AUTS2: variants seen among roughly 807,000 people sequenced by gnomAD.
The protein encoded by AUTS2 is activator of transcription and developmental regulator AUTS2, also known as autism susceptibility gene 2 protein.
Under a neutral mutation model 112.4 loss-of-function variants are expected in AUTS2, and 17 were observed. The observed-to-expected ratio is 0.15, with a 90% CI of 0.10 to 0.23. The LOEUF is 0.23. Ranked by LOEUF, AUTS2 falls within the 10% of genes least tolerant of loss-of-function variation. The pLI is 1.00. For missense variants in AUTS2, 1,510 were observed against 1,701.6 expected (o/e 0.89, Z 1.98); for synonymous variants, 751 against 702.7 (o/e 1.07, Z -1.09).
intron 1 of AUTS2, among the ~76,000 whole-genome samples, chr7:69,877,426 T>G (rs1448591168): frequency 1.3e-5 from 2 of 152,188 alleles, no homozygotes; most frequent in Non-Finnish European, 2.9e-5. Flanking sequence ...CATACCGAAT[T>G]AGAAAGTAAT....
chr7:70,242,886 G>A (rs1344214573), intron 4 of AUTS2, among the ~76,000 whole-genome samples: 3 of 152,134 alleles, frequency 2.0e-5, no homozygotes, highest in African/African-American at 7.2e-5. Flanking sequence ...CTTTTCTAGA[G>A]GAGCAAATAT....
intron 1 of AUTS2, among the ~76,000 whole-genome samples, chr7:69,882,571 G>T (rs1269914624): frequency 6.6e-6 from 1 of 152,090 alleles, no homozygotes; most frequent in Non-Finnish European, 1.5e-5. Context: ...ATAGCTATGT[G>T]ACCTTGGGAA....
chr7:69,842,900 C>G (rs1174156600), intron 1 of AUTS2, among the ~76,000 whole-genome samples: 2 of 152,134 alleles, frequency 1.3e-5, no homozygotes, highest in African/African-American at 2.4e-5. Context: ...CTCAGGACTT[C>G]CGAGAGGTAT....
intron 6 of AUTS2, among the ~76,000 whole-genome samples, chr7:70,733,401 C>T (rs1015557188): frequency 9.2e-5 from 14 of 152,122 alleles, no homozygotes; most frequent in Non-Finnish European, 1.6e-4. Flanking sequence ...TGTACAAAAT[C>T]GAAGATGCCA....
intron 5 of AUTS2, among the ~76,000 whole-genome samples, chr7:70,605,739 G>A (rs1458520859): frequency 6.6e-6 from 1 of 151,970 alleles, no homozygotes. Context: ...ATTAAACATT[G>A]TATTAGCGAA....
chr7:69,752,035 T>C (rs1787760025), intron 1 of AUTS2, among the ~76,000 whole-genome samples: 1 of 152,244 alleles, frequency 6.6e-6, no homozygotes, highest in Non-Finnish European at 1.5e-5. Flanking sequence ...TCCATCTCTC[T>C]GTCCCTTAAT....
In AUTS2 at chr7:70,390,790, G is replaced by A. The variant is rs536257444; in HGVS notation, c.661-44962G>A. ...AAGTCAGATACTCTGCTTTATTCAT[G>A]TTCTATATGATATAGCCAGGCCGTG... On this transcript the variant is annotated intron_variant, in intron 4 of 18. Coordinates refer to ENST00000342771, the MANE Select transcript of AUTS2 (RefSeq NM_015570.4). Among the ~76,000 whole-genome samples the A allele has an allele frequency of 2.6e-5, 4 of 152,208 alleles. No individual in the cohort carries two copies. In the East Asian group the frequency reaches 7.7e-4, roughly 29 times the overall value.
intron 4 of AUTS2, among the ~76,000 whole-genome samples, chr7:70,282,865 C>T (rs77276381): frequency 3.1e-4 from 47 of 152,260 alleles, no homozygotes; most frequent in African/African-American, 1.1e-3. Context: ...CGCCTCCATC[C>T]TGATGTATAT....
chr7:70,095,651 GAGAC>G (rs1226918429), intron 2 of AUTS2, among the ~76,000 whole-genome samples: 5 of 152,124 alleles, frequency 3.3e-5, no homozygotes, highest in South Asian at 2.1e-4. Flanking sequence ...GGTTATTGGA[GAGAC>G]AGACAAGAAC....
At chr7:70,234,205 A>ATATTAATG (rs1310053514) in intron 4 of AUTS2, among the ~76,000 whole-genome samples, 1 of 152,182 alleles carries the variant, frequency 6.6e-6, no homozygotes. Flanking sequence ...ATATATTAAT[A>ATATTAATG]TATTAATGTA....
intron 5 of AUTS2, among the ~76,000 whole-genome samples, chr7:70,594,516 C>G (rs1465376444): frequency 6.6e-6 from 1 of 152,154 alleles, no homozygotes; most frequent in African/African-American, 2.4e-5. Context: ...CTGAGTGCTG[C>G]GTATTCAAAT....
At chr7:69,966,904 T>G (rs1797655358) in intron 2 of AUTS2, among the ~76,000 whole-genome samples, 1 of 152,188 alleles carries the variant, frequency 6.6e-6, no homozygotes, top group Non-Finnish European at 1.5e-5. Context: ...GCGTCAATCA[T>G]TTTTCCAAGC....
chr7:70,392,075 C>T (rs915788999), intron 4 of AUTS2, among the ~76,000 whole-genome samples: 21 of 152,222 alleles, frequency 1.4e-4, no homozygotes, highest in Non-Finnish European at 8.8e-5. Flanking sequence ...ACCTTCAAAA[C>T]GGGTTAGATA....
intron 4 of AUTS2, among the ~76,000 whole-genome samples, chr7:70,341,477 TTAATGCCCA>T (rs577191366): frequency 2.0e-4 from 30 of 152,338 alleles, no homozygotes; most frequent in Admixed American, 1.4e-3. Flanking sequence ...CCTTAGTTGT[TTAATGCCCA>T]GGCTGACTGC....
At chr7:70,433,404 T>C (rs1795754606) in intron 4 of AUTS2, among the ~76,000 whole-genome samples, 1 of 152,150 alleles carries the variant, frequency 6.6e-6, no homozygotes, top group Non-Finnish European at 1.5e-5. Flanking sequence ...TCCACACCCC[T>C]CTTGAATTGA....
chr7:70,463,659 A>T (rs1410405324), intron 5 of AUTS2, among the ~76,000 whole-genome samples: 1 of 152,114 alleles, frequency 6.6e-6, no homozygotes, highest in East Asian at 1.9e-4. Context: ...GCCCTTCCCC[A>T]AGTCTTCACC....
rs73436202 is a variant in AUTS2 at position 69,698,215 on chromosome 7, C to A, written c.309+98253C>A. Among the ~76,000 whole-genome samples the A allele has an allele frequency of 2.1e-3, 321 of 152,124 alleles. 1 individual carries two copies. The highest frequency in any genetic ancestry group is 7.3e-3 in the African/African-American group (305 of 41,508). On this transcript the variant is annotated intron_variant, in intron 1 of 18. Transcript: ENST00000342771. Reference sequence around the variant, plus strand: ...CAATAAAATGTTAGGTGTGTATATGCGAAAAATTGAGTGACATAGTAGTTG... The same window carrying A: ...CAATAAAATGTTAGGTGTGTATATGAGAAAAATTGAGTGACATAGTAGTTG...
chr7:70,784,563 T>C (rs946663267), intron 15 of AUTS2: 1 of 185,612 alleles, frequency 5.4e-6, no homozygotes, highest in Non-Finnish European at 1.1e-5. Context: ...TAGCTTTTTT[T>C]AATCCAGTAT....
chr7:70,009,233 C>T (rs1042061894), intron 2 of AUTS2, among the ~76,000 whole-genome samples: 1 of 152,146 alleles, frequency 6.6e-6, no homozygotes, highest in Non-Finnish European at 1.5e-5. Context: ...ACCAACCCAA[C>T]TCCAGTGTGA....
Sources: allele counts gnomAD v4.1 joint callset (sites outside exome capture counted in the v4.1 genomes callset), GRCh38; gene constraint gnomAD v4.1.1; transcripts MANE v1.5; gene names NCBI Gene and HGNC (gene_info 2026-07-23, HGNC 2026-07-21).